Variants in NDUFAF6 observed in about 807,000 individuals in gnomAD.
NDUFAF6 encodes the protein NADH:ubiquinone oxidoreductase complex assembly factor 6.
A neutral mutation model predicts 40.8 loss-of-function variants in NDUFAF6; 45 were observed. That is an observed-to-expected ratio of 1.10 (90% CI 0.87 to 1.42). NDUFAF6 has a LOEUF of 1.42. NDUFAF6 is among the 40% of genes most tolerant of loss of function. The pLI, the probability that NDUFAF6 is intolerant of heterozygous loss-of-function variation, is 0.00. For missense variants in NDUFAF6, 435 were observed against 418.5 expected, an observed-to-expected ratio of 1.04 and a Z score of -0.34; for synonymous variants, 185 against 155.9, an observed-to-expected ratio of 1.19 and a Z score of -1.39.
intron 2 of NDUFAF6, among the ~76,000 whole-genome samples, chr8:94,952,963 C>T (rs1822750938): frequency 6.6e-6 from 1 of 152,158 alleles, no homozygotes; most frequent in African/African-American, 2.4e-5. Context: ...TCGCTTCAGG[C>T]CTAGAGTATT....
downstream of NDUFAF6, among the ~76,000 whole-genome samples, chr8:95,061,883 C>T (rs1349838305): frequency 2.6e-5 from 4 of 151,976 alleles, no homozygotes; most frequent in East Asian, 1.9e-4. Context: ...GTGGGCTGGG[C>T]GTGGTGGTTC....
intron 1 of NDUFAF6, among the ~76,000 whole-genome samples, chr8:94,943,458 G>A (rs894335474): frequency 3.3e-5 from 5 of 152,156 alleles, no homozygotes; most frequent in Non-Finnish European, 5.9e-5. Context: ...CTGTACTCCA[G>A]TGTGAGTGAC....
intron 1 of NDUFAF6, among the ~76,000 whole-genome samples, chr8:95,027,978 AAC>A (rs1466227696): frequency 6.6e-6 from 1 of 152,212 alleles, no homozygotes; most frequent in Non-Finnish European, 1.5e-5. Context: ...GAGGAGGATA[AAC>A]ACAGAGCCTC....
chr8:95,101,245 A>T (rs1809636074), intron 2 of NDUFAF6: 1 of 152,178 alleles, frequency 6.6e-6, no homozygotes, highest in Non-Finnish European at 1.5e-5. Flanking sequence ...CATAATGCAC[A>T]ATGTTGCCCT....
chr8:95,054,227 A>G (rs1831815709), intron 8 of NDUFAF6, among the ~76,000 whole-genome samples: 3 of 151,842 alleles, frequency 2.0e-5, no homozygotes, highest in South Asian at 4.1e-4. Flanking sequence ...GATTACAGGC[A>G]TAAAACACCG....
At chr8:94,976,503 A>C (rs1824956836) in intron 1 of NDUFAF6, among the ~76,000 whole-genome samples, 2 of 19,622 alleles carry the variant, frequency 1.0e-4, no homozygotes, top group Non-Finnish European at 3.3e-4. Context: ...CTCCATCTCA[A>C]AAAAAAAAAA....
At chr8:95,021,602 GTCAT>G (rs1827695124), upstream of NDUFAF6, among the ~76,000 whole-genome samples, 1 of 152,160 alleles carries the variant, frequency 6.6e-6, no homozygotes, top group African/African-American at 2.4e-5. Flanking sequence ...ACAAGTCACT[GTCAT>G]TCTAAGAAAA....
At chr8:95,021,787 C>G (rs1162902227), upstream of NDUFAF6, among the ~76,000 whole-genome samples, 2 of 152,168 alleles carry the variant, frequency 1.3e-5, no homozygotes, top group African/African-American at 2.4e-5. Context: ...TGGGAGCCAT[C>G]ATAGCAAATT....
intron 2 of NDUFAF6, among the ~76,000 whole-genome samples, chr8:94,982,865 A>C (rs946719894): frequency 3.9e-5 from 6 of 152,240 alleles, no homozygotes; most frequent in Non-Finnish European, 8.8e-5. Flanking sequence ...ATCTCTCTTT[A>C]ACTTCCACAG....
At chr8:94,903,171 A>T (rs1419993517) in intron 1 of NDUFAF6, among the ~76,000 whole-genome samples, 8 of 152,008 alleles carry the variant, frequency 5.3e-5, no homozygotes, top group Non-Finnish European at 5.9e-5. Context: ...GGAGTTCGAG[A>T]CCACCCTGGG....
At chr8:95,115,034 C>A (rs185813501) in intron 4 of NDUFAF6, among the ~76,000 whole-genome samples, 242 of 147,274 alleles carry the variant, frequency 1.6e-3, no homozygotes, top group African/African-American at 6.1e-3. Flanking sequence ...TGCACTCCAG[C>A]CTGGGGGATA....
At chr8:95,014,040 G>C (rs1280142363) in intron 2 of NDUFAF6, among the ~76,000 whole-genome samples, 2 of 152,202 alleles carry the variant, frequency 1.3e-5, no homozygotes, top group Non-Finnish European at 2.9e-5. Context: ...CAAACCACCA[G>C]AAGCTAGCAG....
chr8:95,084,462 A>G (rs1808974398), intron 2 of NDUFAF6, among the ~76,000 whole-genome samples: 1 of 152,220 alleles, frequency 6.6e-6, no homozygotes, highest in South Asian at 2.1e-4. Context: ...GCTTTGTTTA[A>G]GTTAGGATTC....
downstream of NDUFAF6, among the ~76,000 whole-genome samples, chr8:95,080,502 T>TTTTTGTAGTGTA (rs1447591418): frequency 1.1e-4 from 16 of 150,280 alleles, no homozygotes; most frequent in African/African-American, 3.9e-4. Flanking sequence ...TTGGTAGTGA[T>TTTTTGTAGTGTA]TTTTGGTAGT....
chr8:95,033,272 T>C (rs1479653895), intron 2 of NDUFAF6, among the ~76,000 whole-genome samples: 1 of 152,134 alleles, frequency 6.6e-6, no homozygotes, highest in Non-Finnish European at 1.5e-5. Flanking sequence ...CTCAAATTCC[T>C]GGCCTCAAAT....
downstream of NDUFAF6, among the ~76,000 whole-genome samples, chr8:95,103,987 A>G (rs2132078970): frequency 6.6e-6 from 1 of 152,280 alleles, no homozygotes; most frequent in East Asian, 1.9e-4. Flanking sequence ...CTGCTCCATC[A>G]GTTCCAACCA....
At chr8:95,032,237 G>A in intron 2 of NDUFAF6, 143 bp downstream of exon 2, 1 of 732,410 alleles carries the variant, frequency 1.4e-6, no homozygotes, top group Admixed American at 2.2e-5. Flanking sequence ...CCTGCTAACT[G>A]TTTAGGCTTA....
intron 1 of NDUFAF6, among the ~76,000 whole-genome samples, chr8:94,917,808 A>G (rs544859558): frequency 1.3e-5 from 2 of 152,242 alleles, no homozygotes; most frequent in Non-Finnish European, 2.9e-5. Context: ...AGCCCATTTT[A>G]TAACAAGATG....
chr8:94,900,418 T>C (rs548525612), intron 1 of NDUFAF6, among the ~76,000 whole-genome samples: 2 of 152,010 alleles, frequency 1.3e-5, no homozygotes, highest in East Asian at 3.9e-4. Context: ...GGAGTCTAGG[T>C]AGATGAGCCT....
Sources: gnomAD v4.1 joint callset for allele counts (sites outside exome capture counted in the v4.1 genomes callset) on GRCh38, gnomAD v4.1.1 for gene constraint, MANE v1.5 for transcripts, NCBI Gene and HGNC (gene_info 2026-07-23, HGNC 2026-07-21) for gene names.